Variants in ANKIB1 observed in about 807,000 individuals in gnomAD.
The protein encoded by ANKIB1 is ankyrin repeat and IBR domain-containing protein 1.
In ANKIB1, 43 loss-of-function variants were observed where a neutral mutation model predicts 122.1. The observed-to-expected ratio is 0.35, with a 90% CI of 0.28 to 0.45. The LOEUF is 0.45. Ranked by LOEUF, ANKIB1 falls within the 20% of genes least tolerant of loss-of-function variation. The pLI, the probability that ANKIB1 is intolerant of heterozygous loss-of-function variation, is 1.00. For missense variants in ANKIB1, 992 were observed against 1,329.5 expected (o/e 0.75, Z 3.95); for synonymous variants, 390 against 442.0 (o/e 0.88, Z 1.48).
At chr7:92,371,370 T>C in intron 10 of ANKIB1, 107 bp from the exon 11 acceptor site, 1 of 932,706 alleles carries the variant, frequency 1.1e-6, no homozygotes, top group Non-Finnish European at 1.6e-6. Flanking sequence ...AAATATTTTA[T>C]TAAAATTGAG....
intron 2 of ANKIB1, among the ~76,000 whole-genome samples, chr7:92,303,411 G>A (rs1802492635): frequency 6.6e-6 from 1 of 152,140 alleles, no homozygotes; most frequent in African/African-American, 2.4e-5. Context: ...GAAGCCCTTT[G>A]AGGGAAACCT....
At chr7:92,302,718 G>A (rs1203708664) in intron 2 of ANKIB1, among the ~76,000 whole-genome samples, 1 of 152,166 alleles carries the variant, frequency 6.6e-6, no homozygotes, top group Non-Finnish European at 1.5e-5. Context: ...TAGCTTTGAG[G>A]ATTAGTTAAG....
At position 92,352,626 on chromosome 7, in the gene ANKIB1, G is replaced by T. The variant is rs1222338894; in HGVS notation, c.1381G>T (p.Gly461Ter). The change falls in exon 9 of 20, where the codon GGA (glycine) becomes TGA (stop). Residue 461 changes from glycine to a stop codon, truncating the protein, a stop_gained. Transcript: ENST00000265742. LOFTEE classifies it high-confidence loss of function. ...LRAPAVDCGK[G>*]HLFCWECLGE... Reference sequence around the variant, plus strand: ...AGCTCCTGCTGTTGATTGTGGAAAAGGACACCTCTTCTGCTGGTTAGTATA... The same window carrying T: ...AGCTCCTGCTGTTGATTGTGGAAAATGACACCTCTTCTGCTGGTTAGTATA... The T allele has an allele frequency of 1.2e-6, 2 of 1,609,692 alleles. No individual in the cohort carries two copies. The highest frequency in any genetic ancestry group is 1.7e-6 in the Non-Finnish European group (2 of 1,179,026).
At chr7:92,381,474 C>G (rs1012096491) in intron 11 of ANKIB1, among the ~76,000 whole-genome samples, 1 of 152,094 alleles carries the variant, frequency 6.6e-6, no homozygotes, top group Non-Finnish European at 1.5e-5. Flanking sequence ...GGAAAAAATG[C>G]TAAGGGCAGC....
chr7:92,272,690 A>G (rs1052401963), intron 1 of ANKIB1, among the ~76,000 whole-genome samples: 1 of 152,218 alleles, frequency 6.6e-6, no homozygotes, highest in Non-Finnish European at 1.5e-5. Flanking sequence ...AATAATGTGG[A>G]TATATAATGA....
At chr7:92,316,820 A>G (rs554588490) in intron 3 of ANKIB1, among the ~76,000 whole-genome samples, 1 of 152,210 alleles carries the variant, frequency 6.6e-6, no homozygotes, top group Non-Finnish European at 1.5e-5. Context: ...GTTAGGGTAC[A>G]GCTTCTTAAA....
intron 18 of ANKIB1, 132 bp from the exon 19 acceptor site, chr7:92,397,591 G>A: frequency 1.1e-6 from 1 of 876,390 alleles, no homozygotes; most frequent in South Asian, 1.6e-5. Context: ...GAAAGATTAA[G>A]TGAACATGTC....
rs38794 is a variant in ANKIB1 at position 92,398,725 on chromosome 7, C to G, written c.3046C>G (p.Leu1016Val). Residue 1016 changes from leucine to valine, a missense_variant, in exon 20 of 20, where the codon CTG becomes GTG. Coordinates refer to ENST00000265742, the MANE Select transcript of ANKIB1 (RefSeq NM_019004.2). ...DGSEGVKDVE[L>V]VLPEDSMFED... ...GTCAGAAGGTGTGAAGGATGTGGAA[C>G]TGGTGCTGCCAGAAGATTCAATGTT... is the stretch of plus-strand genomic sequence containing the variant. 3 of 1,613,114 alleles carry G rather than the reference C, an allele frequency of 1.9e-6. No individual in the cohort carries two copies. Among genetic ancestry groups the G allele is most frequent in the South Asian group, 2.2e-5 (2 of 91,006 alleles).
intron 1 of ANKIB1, among the ~76,000 whole-genome samples, chr7:92,282,700 A>G (rs896452556): frequency 2.0e-5 from 3 of 152,170 alleles, no homozygotes; most frequent in Non-Finnish European, 1.5e-5. Flanking sequence ...CCTGAATTCA[A>G]AGTTTGAAAA....
chr7:92,384,104 C>G (rs1057083108), intron 11 of ANKIB1, among the ~76,000 whole-genome samples: 4 of 151,142 alleles, frequency 2.6e-5, no homozygotes, highest in African/African-American at 9.7e-5. Flanking sequence ...AACAGACAAA[C>G]AGCCAAATCA....
At chr7:92,287,386 A>G (rs530329508) in intron 1 of ANKIB1, among the ~76,000 whole-genome samples, 1 of 152,336 alleles carries the variant, frequency 6.6e-6, no homozygotes, top group Non-Finnish European at 1.5e-5. Context: ...AGTACTAGCC[A>G]GTTATTTGTA....
intron 1 of ANKIB1, among the ~76,000 whole-genome samples, chr7:92,263,052 A>G (rs550271831): frequency 6.6e-6 from 1 of 152,300 alleles, no homozygotes; most frequent in Middle Eastern, 3.4e-3. Flanking sequence ...TAATTTTCTC[A>G]ATATACTATA....
chr7:92,327,665 C>T, intron 4 of ANKIB1, 118 bp from the exon 5 acceptor site: 1 of 459,376 alleles, frequency 2.2e-6, no homozygotes, highest in Non-Finnish European at 3.7e-6. Context: ...ACAGTTGATC[C>T]AATCCGTGGA....
At chr7:92,358,174 G>A (rs796148861) in intron 9 of ANKIB1, among the ~76,000 whole-genome samples, 36 of 152,236 alleles carry the variant, frequency 2.4e-4, no homozygotes, top group African/African-American at 8.7e-4. Flanking sequence ...CCGAGGAGGC[G>A]GAGGTTACAG....
intron 17 of ANKIB1, 33 bp downstream of exon 17, chr7:92,392,325 T>G (rs1483748887): frequency 6.3e-7 from 1 of 1,588,514 alleles, no homozygotes; most frequent in South Asian, 1.1e-5. Context: ...GTTTTTGTAT[T>G]TTTTCTTAGT....
intron 7 of ANKIB1, among the ~76,000 whole-genome samples, chr7:92,349,217 G>A (rs1187065105): frequency 6.6e-6 from 1 of 152,148 alleles, no homozygotes; most frequent in African/African-American, 2.4e-5. Flanking sequence ...TTAGCCTGGG[G>A]TTTAAAGAGA....
At chr7:92,268,432 G>A (rs147331839) in intron 1 of ANKIB1, among the ~76,000 whole-genome samples, 42 of 152,262 alleles carry the variant, frequency 2.8e-4, no homozygotes, top group African/African-American at 7.7e-4. Context: ...AAACTGAAGC[G>A]ATCATGTTAT....
rs1804698438 is a variant in ANKIB1 at position 92,388,060 on chromosome 7, G to A, written c.1906+19G>A. 1 of 1,544,422 alleles carries A rather than the reference G, an allele frequency of 6.5e-7. No homozygotes were observed. The highest frequency in any genetic ancestry group is 8.8e-7 in the Non-Finnish European group (1 of 1,139,460). ...AAAGAAAGTAAGTTATAAGTTGTAT[G>A]TGTGATAATTAATATAAAATATCTT... On this transcript the variant is annotated intron_variant, in intron 14 of 19. Coordinates refer to ENST00000265742, the MANE Select transcript of ANKIB1 (RefSeq NM_019004.2).
At chr7:92,324,859 G>T (rs893980959) in intron 4 of ANKIB1, among the ~76,000 whole-genome samples, 1 of 152,148 alleles carries the variant, frequency 6.6e-6, no homozygotes, top group Admixed American at 6.5e-5. Context: ...AAAACTGAGT[G>T]ACTGCTAGAC....
Sources: gnomAD v4.1 joint callset for allele counts (sites outside exome capture counted in the v4.1 genomes callset) on GRCh38, gnomAD v4.1.1 for gene constraint, MANE v1.5 for transcripts, NCBI Gene and HGNC (gene_info 2026-07-23, HGNC 2026-07-21) for gene names.